Variants in CCDC82 observed in about 807,000 individuals in gnomAD.
CCDC82 encodes the protein coiled-coil domain containing 82.
A neutral mutation model predicts 60.6 loss-of-function variants in CCDC82; 47 were observed. The observed-to-expected ratio is 0.77, with a 90% CI of 0.61 to 0.99. The LOEUF is 0.99. Ranked by LOEUF, CCDC82 falls within the 50% of genes least tolerant of loss-of-function variation. CCDC82 has a pLI of 0.00. For synonymous variants in CCDC82, 212 were observed against 207.4 expected (o/e 1.02, Z -0.19); for missense variants, 588 against 633.0 (o/e 0.93, Z 0.76).
intron 7 of CCDC82, among the ~76,000 whole-genome samples, chr11:96,370,425 TA>T (rs1161639925): frequency 2.0e-5 from 3 of 152,196 alleles, no homozygotes; most frequent in African/African-American, 7.2e-5. Context: ...AGATAAATTA[TA>T]AATTCTTCAA....
At chr11:96,365,187 AAAG>A in intron 7 of CCDC82, 37 bp from the exon 8 acceptor site, 2 of 1,316,918 alleles carry the variant, frequency 1.5e-6, no homozygotes, top group Non-Finnish European at 2.1e-6. Flanking sequence ...TTTAAAAGAT[AAAG>A]AATAAAAATA....
chr11:96,358,860 A>G, intron 9 of CCDC82, 133 bp downstream of exon 9: 1 of 913,992 alleles, frequency 1.1e-6, no homozygotes, highest in Non-Finnish European at 1.6e-6. Context: ...AATGAGCGGA[A>G]GAAGAGAAAA....
intron 9 of CCDC82, 47 bp downstream of exon 9, chr11:96,358,946 T>C (rs1428170745): frequency 2.8e-6 from 4 of 1,438,060 alleles, no homozygotes; most frequent in Non-Finnish European, 3.8e-6. Flanking sequence ...CTGATCATAA[T>C]TAGCCTTCAG....
At chr11:96,361,424 C>T (rs943551661) in intron 8 of CCDC82, among the ~76,000 whole-genome samples, 4 of 152,096 alleles carry the variant, frequency 2.6e-5, no homozygotes, top group African/African-American at 9.7e-5. Flanking sequence ...TTTCTAATTC[C>T]TACCCCTCTT....
At chr11:96,361,327 G>A (rs991856592) in intron 8 of CCDC82, among the ~76,000 whole-genome samples, 2 of 152,190 alleles carry the variant, frequency 1.3e-5, no homozygotes, top group African/African-American at 4.8e-5. Context: ...GAGGGAAGGA[G>A]AGGTGTTTAA....
intron 7 of CCDC82, among the ~76,000 whole-genome samples, chr11:96,367,924 G>T: frequency 6.6e-6 from 1 of 150,622 alleles, no homozygotes; most frequent in East Asian, 2.0e-4. Context: ...AGGTTCAAGC[G>T]ATTCTCCTGT....
chr11:96,381,659 T>C (rs1343288607), intron 5 of CCDC82: 2 of 151,786 alleles, frequency 1.3e-5, no homozygotes, highest in Non-Finnish European at 3.0e-5. Flanking sequence ...CCATGATTTA[T>C]ATTTTCATGT....
chr11:96,377,741 A>C (rs1795225689), intron 5 of CCDC82, among the ~76,000 whole-genome samples: 1 of 152,094 alleles, frequency 6.6e-6, no homozygotes, highest in African/African-American at 2.4e-5. Context: ...TAGTTCTAAA[A>C]AGAATGATTA....
chr11:96,365,302 G>A (rs1864890073), intron 7 of CCDC82, 152 bp from the exon 8 acceptor site: 1 of 452,926 alleles, frequency 2.2e-6, no homozygotes, highest in East Asian at 3.4e-5. Context: ...TGAGCACATA[G>A]TAGGTATTTT....
rs1421023682 is a variant in CCDC82, at chr11:96,384,043, T to C, written c.705A>G (p.Gln235=). The C allele has an allele frequency of 6.2e-7, 1 of 1,613,804 alleles. No individual in the cohort carries two copies. Among genetic ancestry groups the C allele is most frequent in the Admixed American group, 1.7e-5 (1 of 59,996 alleles). ...TGAGCTTCTGAAGTTTTTCTCGCTT[T>C]TGTGCAGCTAATGTTTTTTCAGGAG... The part of the protein sequence containing the change: ...QKTPEKTLAA[Q]KREKLQKLKE... The change falls in exon 4 of 10, where the codon CAA becomes CAG. Residue 235 remains glutamine, a synonymous_variant. Coordinates refer to ENST00000646818, the MANE Select transcript of CCDC82 (RefSeq NM_024725.4).
Position 96,373,429 on chromosome 11 carries a change from C to A in CCDC82, c.1030G>T (p.Val344Leu), listed in dbSNP as rs754466924. Residue 344 changes from valine (V) to leucine (L), a missense_variant, in exon 6 of 10, where the codon GTG becomes TTG. Coordinates refer to ENST00000646818, the MANE Select transcript of CCDC82 (RefSeq NM_024725.4). ...SDHYTHFERV[V>L]KALLINALDE... The stretch of plus-strand genomic sequence containing the variant: ...AAAGCGTTGATCAGAAGAGCCTTCA[C>A]AACTCTTTCAAAATGAGTATAGTGG... 2 of 1,609,962 alleles carry A rather than the reference C, an allele frequency of 1.2e-6. No individual in the cohort carries two copies. The highest frequency in any genetic ancestry group is 1.1e-5 in the South Asian group (1 of 90,772).
At chr11:96,383,182 T>G (rs1292752218) in intron 5 of CCDC82, 87 bp downstream of exon 5, 6 of 801,716 alleles carry the variant, frequency 7.5e-6, no homozygotes, top group Admixed American at 1.9e-5. Context: ...GTCAATGATT[T>G]AGAACATGAT....
intron 8 of CCDC82, among the ~76,000 whole-genome samples, chr11:96,361,770 T>G (rs1343835358): frequency 6.6e-6 from 1 of 152,242 alleles, no homozygotes; most frequent in African/African-American, 2.4e-5. Context: ...GGTGTTAGAA[T>G]GATTTCTTTA....
At chr11:96,367,291 A>G (rs574958913) in intron 7 of CCDC82, among the ~76,000 whole-genome samples, 97 of 152,362 alleles carry the variant, frequency 6.4e-4, no homozygotes, top group Admixed American at 1.8e-3. Flanking sequence ...GTTTGATTGT[A>G]TATTTGATTG....
chr11:96,379,957 A>G (rs986671610), intron 5 of CCDC82, among the ~76,000 whole-genome samples: 7 of 151,940 alleles, frequency 4.6e-5, no homozygotes, highest in African/African-American at 1.7e-4. Context: ...CAAAATTTAC[A>G]TGGTAAATAG....
intron 8 of CCDC82, among the ~76,000 whole-genome samples, chr11:96,362,035 C>A (rs886162566): frequency 6.6e-6 from 1 of 152,060 alleles, no homozygotes; most frequent in African/African-American, 2.4e-5. Flanking sequence ...ACCAAGTGAT[C>A]GCACATATGT....
intron 5 of CCDC82, 95 bp downstream of exon 5, chr11:96,383,149 TGAAAATGAAACCACAGTTTCTAGTC>T: frequency 5.9e-6 from 4 of 678,122 alleles, no homozygotes; most frequent in Non-Finnish European, 7.8e-6. Context: ...CAAGGTTATC[TGAAAATGAAACCACAGTTTCTAGTC>T]AATGATTTAG....
At position 96,354,766 on chromosome 11, in the gene CCDC82, T is replaced by C. The variant is rs548671976; in HGVS notation, c.1567-1052A>G. On this transcript the variant is annotated intron_variant, in intron 9 of 9. Coordinates refer to ENST00000646818, the MANE Select transcript of CCDC82 (RefSeq NM_024725.4). ...CGAGGGAAAGATATCATGATTTCAG[T>C]TTCAGACATATAGAGTTCAAAGTAT... The C allele has an allele frequency of 5.3e-5, 8 of 152,326 alleles. 1 individual carries two copies. The South Asian group carries it at 1.7e-3, about 32-fold the overall frequency. The allele number at this position is 152,326 out of a possible 1,614,324, so 9.4% of individuals were successfully genotyped here.
intron 9 of CCDC82, 106 bp from the exon 10 acceptor site, chr11:96,353,820 C>T (rs1479018534): frequency 1.7e-5 from 12 of 701,948 alleles, no homozygotes; most frequent in Non-Finnish European, 2.6e-5. Context: ...TCATGGTAAT[C>T]GTGAACAAAA....
Sources: gnomAD v4.1 joint callset for allele counts (sites outside exome capture counted in the v4.1 genomes callset) on GRCh38, gnomAD v4.1.1 for gene constraint, MANE v1.5 for transcripts, NCBI Gene and HGNC (gene_info 2026-07-23, HGNC 2026-07-21) for gene names.